KCTD19: variants seen among roughly 807,000 people sequenced by gnomAD.
KCTD19 encodes potassium channel tetramerization domain containing 19.
KCTD19 carries 67 observed loss-of-function variants against 103.5 expected under a neutral mutation model. The ratio of observed to expected loss-of-function variants is 0.65; its 90% CI spans 0.53 to 0.79. The LOEUF is 0.79. Among genes scored for constraint, KCTD19 ranks in the 30% least tolerant of loss-of-function variants. The pLI is 0.00. For synonymous variants in KCTD19, 439 were observed against 452.2 expected, an observed-to-expected ratio of 0.97 and a Z score of 0.37; for missense variants, 980 against 1,136.1, an observed-to-expected ratio of 0.86 and a Z score of 1.98.
chr16:67,305,766 G>A (rs907897586), intron 2 of KCTD19, among the ~76,000 whole-genome samples: 1 of 152,148 alleles, frequency 6.6e-6, no homozygotes, highest in African/African-American at 2.4e-5. Flanking sequence ...ATGGACAGGT[G>A]CCCCAGATTT....
intron 12 of KCTD19, among the ~76,000 whole-genome samples, chr16:67,292,953 GCCTAGCCTGCTTCC>G (rs1430525147): frequency 2.6e-5 from 4 of 151,890 alleles, no homozygotes; most frequent in African/African-American, 9.7e-5. Context: ...TCCACTACCT[GCCTAGCCTGCTTCC>G]CCTAGCCTAG....
chr16:67,326,684 C>T (rs1322726558), intron 1 of KCTD19, 21 bp downstream of exon 1: 3 of 1,582,840 alleles, frequency 1.9e-6, no homozygotes, highest in South Asian at 2.2e-5. Flanking sequence ...TTTGGCGCCC[C>T]CGCCAGAGCG....
At position 67,320,602 on chromosome 16, in the gene KCTD19, A is replaced by G; in HGVS notation, c.287T>C (p.Met96Thr). The G allele has an allele frequency of 6.2e-7, 1 of 1,613,810 alleles. No individual in the cohort carries two copies. The highest frequency in any genetic ancestry group is 8.5e-7 in the Non-Finnish European group (1 of 1,179,680). ...LYEQALGLQL[M>T]PLLQTLDNLK... ...AGAGCATCTTACCTGCAGCAAAGGC[A>G]TCAGCTGCAAACCCAATGCTTGCTC... Residue 96 changes from methionine to threonine, a missense_variant, in exon 2 of 16, where the codon ATG (methionine) becomes ACG (threonine). Met to Thr is a moderately conservative substitution (Grantham distance 81, BLOSUM62 -1). Transcript: ENST00000304372. This position sits in a 1 kb window ranked among gnomAD's most constrained non-coding sequence, Gnocchi z 4.0.
intron 2 of KCTD19, among the ~76,000 whole-genome samples, chr16:67,314,852 G>C (rs2036991365): frequency 7.1e-6 from 1 of 140,576 alleles, no homozygotes; most frequent in South Asian, 2.3e-4. Flanking sequence ...GAGAGAGAGA[G>C]AGAGAGAGAG....
At chr16:67,295,587 C>T (rs1372655907) in intron 8 of KCTD19, 182 bp from the exon 9 acceptor site, 1 of 569,356 alleles carries the variant, frequency 1.8e-6, no homozygotes, top group East Asian at 3.1e-5. Flanking sequence ...AGAAGCACAT[C>T]ATCCCTGCTT....
chr16:67,324,874 A>C (rs1047480639), intron 1 of KCTD19, among the ~76,000 whole-genome samples: 1 of 152,226 alleles, frequency 6.6e-6, no homozygotes, highest in Non-Finnish European at 1.5e-5. Context: ...TAACTGACAG[A>C]AGCAGAGCCA....
chr16:67,305,874 T>A (rs1336180936), intron 2 of KCTD19, among the ~76,000 whole-genome samples: 1 of 152,178 alleles, frequency 6.6e-6, no homozygotes, highest in Non-Finnish European at 1.5e-5. Flanking sequence ...AGACTAGTCC[T>A]CTGGTGGCCA....
At chr16:67,318,119 C>A (rs193229170) in intron 2 of KCTD19, among the ~76,000 whole-genome samples, 1 of 152,192 alleles carries the variant, frequency 6.6e-6, no homozygotes, top group Admixed American at 6.5e-5. Flanking sequence ...TCTTTGACAA[C>A]ACCATTTTCA....
chr16:67,302,046 T>TA lies in KCTD19; in HGVS notation c.644-125dup, dbSNP rs1597395330. On this transcript the variant is annotated intron_variant, in intron 4 of 15. Coordinates refer to ENST00000304372, the MANE Select transcript of KCTD19 (RefSeq NM_001100915.3). ...AGGTTCTCCTTGTTCTGAAACAACTTATCAACATACCTTATTAGATTAGCT... is the reference window on the plus strand; with the variant it reads ...AGGTTCTCCTTGTTCTGAAACAACTTAATCAACATACCTTATTAGATTAGCT... 43 of 819,318 alleles carry TA rather than the reference T, an allele frequency of 5.2e-5. No homozygotes were observed. The East Asian group carries it at 1.1e-3, about 20-fold the overall frequency. The allele number at this position is 819,318 out of a possible 1,614,324, so 50.8% of individuals were successfully genotyped here. A position where few individuals can be genotyped will look rare whatever the true frequency, so the allele number is the denominator to read the frequency against.
chr16:67,318,817 C>T (rs1467668474), intron 2 of KCTD19, among the ~76,000 whole-genome samples: 1 of 151,334 alleles, frequency 6.6e-6, no homozygotes. Flanking sequence ...GTTTTGAAGC[C>T]ACTTGTAAAC....
In KCTD19 at chr16:67,291,295, C is replaced by T; in HGVS notation, c.2565+14G>A. The T allele has an allele frequency of 1.2e-6, 2 of 1,610,614 alleles. No homozygotes were observed. Among genetic ancestry groups the T allele is most frequent in the Non-Finnish European group, 1.7e-6 (2 of 1,178,752 alleles). ...GTACAGGGTGCCCCAGGGCCTGAGG[C>T]CTGTCACACATACCCACAGCCGATT... is the stretch of plus-strand genomic sequence containing the variant. On this transcript the variant is annotated intron_variant, in intron 14 of 15. Coordinates refer to ENST00000304372, the MANE Select transcript of KCTD19 (RefSeq NM_001100915.3).
At chr16:67,294,233 A>G (rs1277499966) in intron 11 of KCTD19, 62 bp from the exon 12 acceptor site, 6 of 1,492,956 alleles carry the variant, frequency 4.0e-6, no homozygotes, top group Admixed American at 3.9e-5. Context: ...CGCCTTGCCC[A>G]AGATCTAATA....
chr16:67,324,548 G>A lies in KCTD19; in HGVS notation c.3+2157C>T, dbSNP rs532701897. On this transcript the variant is annotated intron_variant, in intron 1 of 15. Coordinates refer to ENST00000304372, the MANE Select transcript of KCTD19 (RefSeq NM_001100915.3). ...TGTAGAATGCAGGTGGTGGATATAT[G>A]GTGCTCACTGTACAATTCTTTCAAT... Among the ~76,000 whole-genome samples the A allele has an allele frequency of 2.6e-5, 4 of 152,270 alleles. No individual in the cohort carries two copies. The South Asian group carries it at 8.3e-4, about 32-fold the overall frequency.
In KCTD19 at chr16:67,320,747, A is replaced by G; in HGVS notation, c.142T>C (p.Ser48Pro). The G allele has an allele frequency of 6.2e-7, 1 of 1,614,172 alleles. No homozygotes were observed. The highest frequency in any genetic ancestry group is 8.5e-7 in the Non-Finnish European group (1 of 1,180,020). Reference protein sequence around the residue: ...LLWKEASALTSSESQRLFIDR... With the variant: ...LLWKEASALTPSESQRLFIDR... Reference sequence around the variant, plus strand: ...ATAAATAGCCTCTGGCTTTCTGAAGAGGTCAAGGCTGAAGCCTCTTTCCAC... The same window carrying G: ...ATAAATAGCCTCTGGCTTTCTGAAGGGGTCAAGGCTGAAGCCTCTTTCCAC... The change falls in exon 2 of 16, where the codon TCT (serine) becomes CCT (proline). Residue 48 changes from serine (S) to proline (P), a missense_variant. Coordinates refer to ENST00000304372, the MANE Select transcript of KCTD19 (RefSeq NM_001100915.3). This position sits in a 1 kb window ranked among gnomAD's most constrained non-coding sequence, Gnocchi z 4.0.
chr16:67,309,046 T>C (rs764272158), intron 2 of KCTD19, among the ~76,000 whole-genome samples: 1 of 151,198 alleles, frequency 6.6e-6, no homozygotes, highest in African/African-American at 2.4e-5. Context: ...AGGCAATCAT[T>C]TGAACCCAGG....
chr16:67,291,905 CT>C (rs1555504254), intron 12 of KCTD19, 68 bp from the exon 13 acceptor site: 1 of 1,124,378 alleles, frequency 8.9e-7, no homozygotes, highest in Non-Finnish European at 1.2e-6. Context: ...TAGAGTTTTG[CT>C]TTTGTTGCCC....
chr16:67,318,541 G>C (rs1265252435), intron 2 of KCTD19, among the ~76,000 whole-genome samples: 2 of 133,428 alleles, frequency 1.5e-5, no homozygotes, highest in African/African-American at 5.8e-5. Flanking sequence ...GCCTGGGACA[G>C]AGCAAGACTC....
In KCTD19 at chr16:67,303,418, G is replaced by A; in HGVS notation, c.452-81C>T. On this transcript the variant is annotated intron_variant, in intron 3 of 15. Transcript: ENST00000304372. The surrounding 1 kb of genome is among the most constrained non-coding windows in gnomAD (Gnocchi z 4.3). The stretch of plus-strand genomic sequence containing the variant: ...CCAGCAGGGCTTTCACTGACCCAGG[G>A]GCCCCAGAGGATGCTAGAGAGACCC... 1 of 1,220,034 alleles carries A rather than the reference G, an allele frequency of 8.2e-7. No individual in the cohort carries two copies. The highest frequency in any genetic ancestry group is 1.1e-6 in the Non-Finnish European group (1 of 874,766). 75.6% of individuals were successfully genotyped at this position (1,220,034 alleles called of 1,614,324 possible).
At chr16:67,310,633 A>AGTGGT (rs2036939349) in intron 2 of KCTD19, among the ~76,000 whole-genome samples, 3 of 152,232 alleles carry the variant, frequency 2.0e-5, no homozygotes, top group African/African-American at 7.2e-5. Context: ...TATGTCAATC[A>AGTGGT]GAAGCAACAT....
Sources: gnomAD v4.1 joint callset for allele counts (sites outside exome capture counted in the v4.1 genomes callset) on GRCh38, gnomAD v4.1.1 for gene constraint, Gnocchi (gnomAD v3.1) non-coding constraint, MANE v1.5 for transcripts, NCBI Gene and HGNC (gene_info 2026-07-23, HGNC 2026-07-21) for gene names.